The following TAF1 variants were observed in gnomAD, a reference collection of about 807,000 sequenced individuals.
TAF1 encodes transcription initiation factor TFIID subunit 1.
In TAF1, 2 loss-of-function variants were observed where a neutral mutation model predicts 138.5. The observed-to-expected ratio is 0.01, with a 90% CI of 0.01 to 0.05. The LOEUF is 0.05. Ranked by LOEUF, TAF1 falls within the 10% of genes least tolerant of loss-of-function variation. The pLI is 1.00. For missense variants in TAF1, 709 were observed against 1,478.0 expected (o/e 0.48, Z 8.53); for synonymous variants, 437 against 503.2 (o/e 0.87, Z 1.76).
chrX:71,445,071 G>A (rs2037623569), intron 32 of TAF1, among the ~76,000 whole-genome samples: 1 of 110,084 alleles, frequency 9.1e-6, no homozygotes, highest in South Asian at 3.9e-4. Flanking sequence ...CGAGACGGGT[G>A]GGTTGCTTCA....
chrX:71,516,992 G>C (rs1003326163), intron 13 of TAF1, among the ~76,000 whole-genome samples: 2 of 111,270 alleles, frequency 1.8e-5, no homozygotes, highest in African/African-American at 6.5e-5. Context: ...GCCTCCCAAA[G>C]TGCTGGGATT....
chrX:71,375,091 A>T, intron 3 of TAF1, 76 bp from the exon 4 acceptor site: 1 of 1,114,985 alleles, frequency 9.0e-7, no homozygotes, highest in Non-Finnish European at 1.2e-6. Context: ...AAAAAAAAAA[A>T]TTGAGTGGCA....
rs183244504 is a variant in TAF1 at position 71,512,166 on chromosome X, T to A, written c.1367-16376T>A. ...TGTCTCTACTAAAAAATACAAAAAA[T>A]TAGCCGAACGTGGTGGCTGGCGCCT... On this transcript the variant is annotated intron_variant and NMD_transcript_variant, in intron 13 of 14. Transcript: ENST00000373775. Among the ~76,000 whole-genome samples the A allele has an allele frequency of 4.6e-4, 51 of 110,028 alleles. 1 individual carries two copies. The highest frequency in any genetic ancestry group is 1.7e-3 in the African/African-American group (51 of 30,205).
chrX:71,437,889 G>A (rs1456832814), intron 32 of TAF1, among the ~76,000 whole-genome samples: 1 of 98,751 alleles, frequency 1.0e-5, no homozygotes, highest in Non-Finnish European at 2.0e-5. Context: ...AGGCTGGAGT[G>A]CAGTGGCGCG....
rs960283531 is a variant in TAF1, at chrX:71,407,784, T to C, written c.4206+112T>C. On this transcript the variant is annotated intron_variant, in intron 27 of 37. Transcript: ENST00000423759. ...AGATTTAGGTAACTGGAATGCCTAA[T>C]TTTTAGGGAGTTAGTTTTTTTTGTT... 1.1e-5 allele frequency: 11 copies of C among 973,381 alleles called. No individual in the cohort carries two copies. In the African/African-American group the frequency reaches 2.2e-4, roughly 19 times the overall value. The allele number at this position is 973,381 out of a possible 1,213,427, so 80.2% of individuals were successfully genotyped here.
intron 13 of TAF1, among the ~76,000 whole-genome samples, chrX:71,480,368 A>G (rs1321895879): frequency 9.0e-6 from 1 of 111,644 alleles, no homozygotes; most frequent in African/African-American, 3.3e-5. Flanking sequence ...GCACCCCACC[A>G]TGGATCCTGT....
chrX:71,406,532 A>G, intron 25 of TAF1, 106 bp from the exon 26 acceptor site: 2 of 769,817 alleles, frequency 2.6e-6, no homozygotes, highest in Non-Finnish European at 1.8e-6. Context: ...TTTCCTCGCT[A>G]GGCTCGTGCT....
At chrX:71,366,515 G>GGGGT in intron 1 of TAF1, 21 bp downstream of exon 1, 3 of 418,745 alleles carry the variant, frequency 7.2e-6, no homozygotes, top group Non-Finnish European at 1.2e-5. Flanking sequence ...GGGCGTGGGG[G>GGGGT]TAGGGCTCGG....
chrX:71,427,972 AAGAG>A (rs1331949289), intron 32 of TAF1, among the ~76,000 whole-genome samples: 1 of 106,800 alleles, frequency 9.4e-6, no homozygotes, highest in East Asian at 2.9e-4. Flanking sequence ...AATTGAAAGA[AAGAG>A]ATACTTTTTT....
Position 71,408,166 on chromosome X carries a change from T to A in TAF1, c.4384+15T>A. The A allele has an allele frequency of 8.3e-7, 1 of 1,208,723 alleles. No homozygotes were observed. Among genetic ancestry groups the A allele is most frequent in the Non-Finnish European group, 1.1e-6 (1 of 893,885 alleles). ...AACCTACAATGGTAAGAATCAAATG[T>A]TCCGTGATTGCAAAGGTCACTGTTC... On this transcript the variant is annotated intron_variant, in intron 28 of 37. Coordinates refer to ENST00000423759, the MANE Select transcript of TAF1 (RefSeq NM_004606.5).
intron 32 of TAF1, among the ~76,000 whole-genome samples, chrX:71,450,067 C>G (rs1027233350): frequency 2.7e-5 from 3 of 112,274 alleles, no homozygotes; most frequent in Non-Finnish European, 5.6e-5. Context: ...CCACCACACC[C>G]GGCTCTAAAT....
chrX:71,497,645 G>C, intron 13 of TAF1, among the ~76,000 whole-genome samples: 2 of 111,583 alleles, frequency 1.8e-5, no homozygotes, highest in South Asian at 7.7e-4. Flanking sequence ...TGCTCTCTCT[G>C]TGACGTATAA....
chrX:71,444,189 G>A, intron 32 of TAF1, among the ~76,000 whole-genome samples: 1 of 111,082 alleles, frequency 9.0e-6, no homozygotes, highest in Non-Finnish European at 1.9e-5. Context: ...TGTGTTTTTA[G>A]TAGAGACGGG....
rs1602769802 is a variant in TAF1 at position 71,464,685 on chromosome X, G to A, written c.*639G>A. 1 of 127,279 alleles carries A rather than the reference G, an allele frequency of 7.9e-6. No homozygotes were observed. The highest frequency in any genetic ancestry group is 1.6e-5 in the Non-Finnish European group (1 of 63,543). The allele number at this position is 127,279 out of a possible 1,213,427, so 10.5% of individuals were successfully genotyped here. A position where few individuals can be genotyped will look rare whatever the true frequency, so the allele number is the denominator to read the frequency against. ...CACGCCACTGCACTCCAGCCTGGGCGAAAGAGTGAGATTCAGTCTCAAAAA... is the reference window on the plus strand; with the variant it reads ...CACGCCACTGCACTCCAGCCTGGGCAAAAGAGTGAGATTCAGTCTCAAAAA... On this transcript the variant is annotated 3_prime_UTR_variant, in exon 38 of 38. Transcript: ENST00000423759.
chrX:71,389,955 A>G (rs1379144194), intron 18 of TAF1, among the ~76,000 whole-genome samples: 5 of 110,788 alleles, frequency 4.5e-5, no homozygotes, highest in Non-Finnish European at 7.6e-5. Flanking sequence ...ACCTTCACCT[A>G]CCGGGGTTCC....
At chrX:71,394,037 C>T in intron 21 of TAF1, 30 bp from the exon 22 acceptor site, 1 of 1,160,807 alleles carries the variant, frequency 8.6e-7, no homozygotes. Flanking sequence ...TTCTTTAGTT[C>T]TTTCTGCACA....
intron 28 of TAF1, 122 bp downstream of exon 28, chrX:71,408,273 G>A: frequency 1.2e-6 from 1 of 842,716 alleles, no homozygotes; most frequent in Non-Finnish European, 1.6e-6. Context: ...TCATTTGTGG[G>A]TATGAAAATC....
chrX:71,458,357 G>A lies in TAF1; in HGVS notation c.5055G>A (p.Gln1685=). 8.3e-7 allele frequency: 1 copy of A among 1,210,271 alleles called. No individual in the cohort carries two copies. The highest frequency in any genetic ancestry group is 1.1e-6 in the Non-Finnish European group (1 of 894,942). Residue 1685 remains glutamine, a synonymous_variant, in exon 35 of 38, where the codon CAG becomes CAA. Transcript: ENST00000423759. ...LDIPSATPEK[Q]VTQEGEDGDG... is the part of the protein sequence containing the mutation. ...TTCCCAGTGCCACTCCAGAAAAGCA[G>A]GTAACACAGGTAGGATGTTCTTTTT...
chrX:71,430,385 C>CA (rs746183306), intron 32 of TAF1, among the ~76,000 whole-genome samples: 1,071 of 34,932 alleles, frequency 0.031, 14 homozygotes, highest in East Asian at 0.065. Flanking sequence ...CTCCGTCTCA[C>CA]AAAAAAAAAA....
Sources: allele counts gnomAD v4.1 joint callset (sites outside exome capture counted in the v4.1 genomes callset), GRCh38; gene constraint gnomAD v4.1.1; transcripts MANE v1.5; gene names NCBI Gene and HGNC (gene_info 2026-07-23, HGNC 2026-07-21).